Variants in SYT17 observed in about 807,000 individuals in gnomAD.
SYT17 encodes the protein synaptotagmin-17.
In SYT17, 22 loss-of-function variants were observed where a neutral mutation model predicts 46.7. The ratio of observed to expected loss-of-function variants is 0.47; its 90% CI spans 0.34 to 0.67. SYT17 has a LOEUF of 0.67. Among genes scored for constraint, SYT17 ranks in the 30% least tolerant of loss-of-function variants. The pLI, the probability that SYT17 is intolerant of heterozygous loss-of-function variation, is 0.01. For synonymous variants in SYT17, 251 were observed against 248.4 expected (o/e 1.01, Z -0.10); for missense variants, 519 against 612.8 (o/e 0.85, Z 1.62).
In SYT17 at chr16:19,266,978, A is replaced by T. The variant is rs561669771; in HGVS notation, c.1327A>T (p.Met443Leu). ...CTCTGAGACCAACCACTGGAGGCGCATGCTCAACACGCACCGCACAGCCGT... is the reference window on the plus strand; with the variant it reads ...CTCTGAGACCAACCACTGGAGGCGCTTGCTCAACACGCACCGCACAGCCGT... ...GPSETNHWRR[M>L]LNTHRTAVEQ... Residue 443 changes from methionine to leucine, a missense_variant, in exon 8 of 8, where the codon ATG (methionine) becomes TTG (leucine). Transcript: ENST00000355377. The T allele has an allele frequency of 6.2e-7, 1 of 1,613,702 alleles. No individual in the cohort carries two copies. Among genetic ancestry groups the T allele is most frequent in the Non-Finnish European group, 8.5e-7 (1 of 1,180,000 alleles).
intron 7 of SYT17, among the ~76,000 whole-genome samples, chr16:19,257,517 T>C (rs1567237750): frequency 6.6e-6 from 1 of 152,132 alleles, no homozygotes; most frequent in Admixed American, 6.5e-5. Flanking sequence ...ACCACCTGCG[T>C]TGCAGTGTGT....
At chr16:19,212,670 G>T (rs1456514205) in intron 5 of SYT17, among the ~76,000 whole-genome samples, 1 of 152,146 alleles carries the variant, frequency 6.6e-6, no homozygotes, top group Non-Finnish European at 1.5e-5. Context: ...TAATGGCATG[G>T]TTCCGTTTTC....
chr16:19,183,951 A>G lies in SYT17; in HGVS notation c.755A>G (p.Gln252Arg). 9 of 1,614,222 alleles carry G rather than the reference A, an allele frequency of 5.6e-6. No individual in the cohort carries two copies. The highest frequency in any genetic ancestry group is 7.6e-6 in the Non-Finnish European group (9 of 1,180,042). Residue 252 changes from glutamine to arginine, a missense_variant, in exon 5 of 8, where the codon CAG (glutamine) becomes CGG (arginine). Transcript: ENST00000355377. This position sits in a 1 kb window ranked among gnomAD's most constrained non-coding sequence, Gnocchi z 5.6. ...SKQTGVKRKT[Q>R]KPVFEERYTF... ...CAGACCGGGGTCAAACGCAAGACCCAGAAGCCCGTGTTTGAGGAGCGCTAC... is the reference window on the plus strand; with the variant it reads ...CAGACCGGGGTCAAACGCAAGACCCGGAAGCCCGTGTTTGAGGAGCGCTAC...
chr16:19,255,940 A>C (rs950626984), intron 7 of SYT17, among the ~76,000 whole-genome samples: 2 of 152,128 alleles, frequency 1.3e-5, no homozygotes, highest in African/African-American at 4.8e-5. Context: ...TCATCTCCAC[A>C]TACTGGGATC....
intron 3 of SYT17, among the ~76,000 whole-genome samples, chr16:19,177,950 A>G (rs1283438034): frequency 1.3e-5 from 2 of 152,194 alleles, no homozygotes; most frequent in African/African-American, 4.8e-5. Flanking sequence ...TTTAGAGTTT[A>G]GCATTACTGG....
At chr16:19,254,563 G>T (rs2352795) in intron 7 of SYT17, among the ~76,000 whole-genome samples, 95,064 of 152,016 alleles carry the variant, frequency 0.63, 30,533 homozygotes, top group East Asian at 0.99. Context: ...TCACCACACT[G>T]GCTCAGGTGC....
chr16:19,228,288 C>T (rs1162090135), intron 7 of SYT17, among the ~76,000 whole-genome samples: 16 of 152,190 alleles, frequency 1.1e-4, no homozygotes, highest in Non-Finnish European at 5.9e-5. Flanking sequence ...CAGTGGTCAG[C>T]TGATGCTGTC....
At position 19,232,558 on chromosome 16, in the gene SYT17, C is replaced by T. The variant is rs191672591; in HGVS notation, c.1228+7720C>T. Among the ~76,000 whole-genome samples, 34 of 152,196 alleles carry T rather than the reference C, an allele frequency of 2.2e-4. 1 individual carries two copies. In the East Asian group the frequency reaches 4.1e-3, roughly 18 times the overall value. On this transcript the variant is annotated intron_variant, in intron 7 of 7. Coordinates refer to ENST00000355377, the MANE Select transcript of SYT17 (RefSeq NM_016524.4). Reference sequence around the variant, plus strand: ...TAAGAATTAAACCCTTGGCCCGGTGCGGTGGCTCACACCTCTAATCCCAGC... The same window carrying T: ...TAAGAATTAAACCCTTGGCCCGGTGTGGTGGCTCACACCTCTAATCCCAGC...
intron 5 of SYT17, among the ~76,000 whole-genome samples, chr16:19,219,127 G>GAA (rs1274582098): frequency 1.3e-4 from 1 of 7,674 alleles, no homozygotes; most frequent in African/African-American, 1.7e-3. Context: ...ACAAGGCCGG[G>GAA]CGCGGTGGCT....
chr16:19,199,565 C>T (rs1330270767), intron 5 of SYT17, among the ~76,000 whole-genome samples: 1 of 152,066 alleles, frequency 6.6e-6, no homozygotes, highest in African/African-American at 2.4e-5. Flanking sequence ...AAATCAAGAC[C>T]CCTTCTCTAT....
In SYT17 at chr16:19,223,179, C is replaced by A. The variant is rs773399652; in HGVS notation, c.1072+14C>A. On this transcript the variant is annotated intron_variant, in intron 6 of 7. Coordinates refer to ENST00000355377, the MANE Select transcript of SYT17 (RefSeq NM_016524.4). The stretch of plus-strand genomic sequence containing the variant: ...GCCAAGGTTCAGGTACCGTGTGATT[C>A]CCCTCTTCTCTCACTTTATTAATGG... 6.2e-7 allele frequency: 1 copy of A among 1,611,212 alleles called. No individual in the cohort carries two copies. Among genetic ancestry groups the A allele is most frequent in the African/African-American group, 1.3e-5 (1 of 74,830 alleles).
chr16:19,224,339 A>T (rs1055027193), intron 6 of SYT17, among the ~76,000 whole-genome samples: 2 of 152,200 alleles, frequency 1.3e-5, no homozygotes, highest in Middle Eastern at 3.2e-3. Context: ...TGGCTAAAGG[A>T]AGAAGGAAGG....
chr16:19,238,097 G>A (rs1966873169), intron 7 of SYT17, among the ~76,000 whole-genome samples: 1 of 152,224 alleles, frequency 6.6e-6, no homozygotes, highest in South Asian at 2.1e-4. Context: ...AGATTGGACT[G>A]GAGAGGTGGC....
At chr16:19,196,548 AAT>A (rs1491281404) in intron 5 of SYT17, among the ~76,000 whole-genome samples, 1 of 81,350 alleles carries the variant, frequency 1.2e-5, no homozygotes, top group African/African-American at 5.5e-5. Context: ...CCAGCTGAAG[AAT>A]TTTTTTTTTT....
rs1969442325 is a variant in SYT17, at chr16:19,267,447, A to C, written c.*371A>C. 6.0e-6 allele frequency: 1 copy of C among 166,870 alleles called. No homozygotes were observed. The highest frequency in any genetic ancestry group is 2.4e-5 in the African/African-American group (1 of 42,048). 10.3% of individuals were successfully genotyped at this position (166,870 alleles called of 1,614,324 possible). A position where few individuals can be genotyped will look rare whatever the true frequency, so the allele number is the denominator to read the frequency against. On this transcript the variant is annotated 3_prime_UTR_variant, in exon 8 of 8. Transcript: ENST00000355377. The stretch of plus-strand genomic sequence containing the variant: ...GACCTCCCAAAGGGTGCCAAGCTCC[A>C]TCAAGACTAAATTTACCAAGAGTTT...
intron 1 of SYT17, chr16:19,172,298 A>G: frequency 7.8e-7 from 1 of 1,286,646 alleles, no homozygotes; most frequent in Non-Finnish European, 9.8e-7. Context: ...ATTGGAAGGT[A>G]GGGCCTCCGG....
intron 3 of SYT17, among the ~76,000 whole-genome samples, chr16:19,178,769 G>A (rs1271158114): frequency 2.0e-5 from 3 of 152,120 alleles, no homozygotes; most frequent in East Asian, 3.9e-4. Flanking sequence ...TATGGCTTAG[G>A]GGCATGTTAT....
chr16:19,173,601 T>C lies in SYT17; in HGVS notation c.182+23T>C, dbSNP rs201520097. The C allele has an allele frequency of 9.3e-4, 1,504 of 1,608,682 alleles. 3 individuals carry two copies. The highest frequency in any genetic ancestry group is 1.2e-3 in the Non-Finnish European group (1,358 of 1,177,818). On this transcript the variant is annotated intron_variant, in intron 3 of 7. Transcript: ENST00000355377. ...GCTGTAAGTAAAACTGCTCTGAACT[T>C]CTCTGAAATCAATTTCAAGACTTTT...
At chr16:19,242,421 G>T (rs1488187052) in intron 7 of SYT17, among the ~76,000 whole-genome samples, 1 of 152,222 alleles carries the variant, frequency 6.6e-6, no homozygotes, top group East Asian at 1.9e-4. Context: ...GAGAAGGAAA[G>T]CCAGAGTGTC....
Sources: gnomAD v4.1 joint callset for allele counts (sites outside exome capture counted in the v4.1 genomes callset) on GRCh38, gnomAD v4.1.1 for gene constraint, Gnocchi (gnomAD v3.1) non-coding constraint, MANE v1.5 for transcripts, NCBI Gene and HGNC (gene_info 2026-07-23, HGNC 2026-07-21) for gene names.